Variants in GPR158 observed in about 807,000 individuals in gnomAD.
The protein encoded by GPR158 is metabotropic glycine receptor.
A neutral mutation model predicts 78.2 loss-of-function variants in GPR158; 30 were observed. The observed-to-expected ratio is 0.38, with a 90% CI of 0.29 to 0.52. The LOEUF (loss-of-function observed/expected upper bound fraction) is 0.52. GPR158 is among the 20% of genes least tolerant of loss of function. The pLI is 0.83. For missense variants in GPR158, 1,463 were observed against 1,523.5 expected (o/e 0.96, Z 0.66); for synonymous variants, 581 against 591.1 (o/e 0.98, Z 0.25).
chr10:25,309,797 G>A (rs138066543), intron 2 of GPR158, among the ~76,000 whole-genome samples: 4 of 152,214 alleles, frequency 2.6e-5, no homozygotes, highest in African/African-American at 9.6e-5. Flanking sequence ...TTTCTTTCCT[G>A]CCACCATGTA....
At position 25,469,396 on chromosome 10, in the gene GPR158, C is replaced by T. The variant is rs371275924; in HGVS notation, c.1404+2677C>T. ...CTCAGATTCAGCCTTCCAGTGTCCA[C>T]TGATGGCAGCTCTATCCTTCTAGTT... is the stretch of plus-strand genomic sequence containing the variant. On this transcript the variant is annotated intron_variant, in intron 5 of 10. Coordinates refer to ENST00000376351, the MANE Select transcript of GPR158 (RefSeq NM_020752.3). 5.3e-5 allele frequency among the ~76,000 whole-genome samples: 8 copies of T among 152,312 alleles called. No individual in the cohort carries two copies. The South Asian group carries it at 1.7e-3, about 32-fold the overall frequency.
chr10:25,363,748 T>TGATCCTTAATGCTGTCCCC (rs1564433405), intron 2 of GPR158, among the ~76,000 whole-genome samples: 1 of 151,908 alleles, frequency 6.6e-6, no homozygotes, highest in Non-Finnish European at 1.5e-5. Context: ...ATGCTGTCCC[T>TGATCCTTAATGCTGTCCCC]GATCCTCAGT....
intron 5 of GPR158, 139 bp downstream of exon 5, chr10:25,466,858 A>C (rs1047240136): frequency 2.2e-6 from 1 of 462,094 alleles, no homozygotes; most frequent in Non-Finnish European, 3.8e-6. Flanking sequence ...CTCTTGTCTT[A>C]CTTGAAAGAA....
intron 7 of GPR158, among the ~76,000 whole-genome samples, chr10:25,579,609 CT>C (rs1358587671): frequency 2.0e-5 from 3 of 152,104 alleles, no homozygotes; most frequent in African/African-American, 7.2e-5. Flanking sequence ...AGATTCTTAC[CT>C]TACCTGCAAG....
intron 3 of GPR158, among the ~76,000 whole-genome samples, chr10:25,403,749 C>T (rs1342947282): frequency 6.6e-6 from 1 of 151,956 alleles, no homozygotes; most frequent in Admixed American, 6.6e-5. Flanking sequence ...AAAAATACTA[C>T]TTTAATTAAA....
At chr10:25,579,816 T>TTTA (rs1027405420) in intron 7 of GPR158, among the ~76,000 whole-genome samples, 7 of 150,678 alleles carry the variant, frequency 4.6e-5, no homozygotes, top group African/African-American at 1.7e-4. Flanking sequence ...ATAAATCTAT[T>TTTA]TTACTGCCCT....
chr10:25,506,995 C>T (rs943734848), intron 5 of GPR158, among the ~76,000 whole-genome samples: 4 of 152,180 alleles, frequency 2.6e-5, no homozygotes, highest in Admixed American at 6.5e-5. Context: ...AATGAACAAT[C>T]TCAAACTCTT....
chr10:25,532,976 G>A (rs1190214955), intron 5 of GPR158, among the ~76,000 whole-genome samples: 1 of 134,580 alleles, frequency 7.4e-6, no homozygotes, highest in Non-Finnish European at 1.7e-5. Flanking sequence ...AATCAGATCC[G>A]CTTAATTCCC....
chr10:25,359,144 T>G (rs555282042), intron 2 of GPR158, among the ~76,000 whole-genome samples: 1 of 152,072 alleles, frequency 6.6e-6, no homozygotes, highest in Non-Finnish European at 1.5e-5. Flanking sequence ...GCTTTGTTTT[T>G]AAGTACATAC....
intron 2 of GPR158, among the ~76,000 whole-genome samples, chr10:25,253,281 G>C (rs371582841): frequency 6.6e-6 from 1 of 152,170 alleles, no homozygotes; most frequent in African/African-American, 2.4e-5. Flanking sequence ...CTTCTGCGTC[G>C]GTCACGCTGG....
At chr10:25,562,948 A>G (rs1300116599) in intron 6 of GPR158, among the ~76,000 whole-genome samples, 1 of 152,118 alleles carries the variant, frequency 6.6e-6, no homozygotes, top group Admixed American at 6.5e-5. Flanking sequence ...TTCATATATT[A>G]TGGGGATCTG....
At chr10:25,537,937 T>C (rs995017425) in intron 5 of GPR158, among the ~76,000 whole-genome samples, 6 of 152,172 alleles carry the variant, frequency 3.9e-5, no homozygotes, top group Non-Finnish European at 5.9e-5. Context: ...TGCGGAACTG[T>C]GAGCCAATTA....
At chr10:25,586,762 C>T (rs1183990440) in intron 7 of GPR158, among the ~76,000 whole-genome samples, 1 of 152,088 alleles carries the variant, frequency 6.6e-6, no homozygotes, top group African/African-American at 2.4e-5. Flanking sequence ...AACCCAAATG[C>T]AGTGGCACAG....
At chr10:25,187,157 G>A (rs903679412) in intron 1 of GPR158, among the ~76,000 whole-genome samples, 1 of 151,824 alleles carries the variant, frequency 6.6e-6, no homozygotes, top group African/African-American at 2.4e-5. Flanking sequence ...AATAGAGACA[G>A]GGTTTCACTG....
intron 4 of GPR158, among the ~76,000 whole-genome samples, chr10:25,441,063 C>T (rs567661802): frequency 9.2e-5 from 14 of 152,252 alleles, no homozygotes; most frequent in African/African-American, 3.4e-4. Flanking sequence ...AAGGCTATAA[C>T]CCTTGTGGGC....
chr10:25,457,950 C>T (rs1432906044), intron 4 of GPR158, among the ~76,000 whole-genome samples: 1 of 152,110 alleles, frequency 6.6e-6, no homozygotes. Flanking sequence ...AAAAAATCAC[C>T]ATAGCCATGT....
chr10:25,476,384 G>GTTTTTTTTTTTTTTT, intron 5 of GPR158, among the ~76,000 whole-genome samples: 1 of 144,436 alleles, frequency 6.9e-6, no homozygotes, highest in Non-Finnish European at 1.5e-5. Flanking sequence ...TTTAATAAGG[G>GTTTTTTTTTTTTTTT]TTTTTTTTTT....
chr10:25,300,288 C>T (rs1341017859), intron 2 of GPR158, among the ~76,000 whole-genome samples: 1 of 152,178 alleles, frequency 6.6e-6, no homozygotes, highest in Admixed American at 6.5e-5. Flanking sequence ...TTCTGGCTCC[C>T]TTCTTCCAGC....
chr10:25,252,939 C>G (rs1430988518), intron 2 of GPR158, among the ~76,000 whole-genome samples: 6 of 152,360 alleles, frequency 3.9e-5, no homozygotes, highest in Middle Eastern at 6.8e-3. Flanking sequence ...AGTTTGATCA[C>G]AGACTGCTGT....
Sources: allele counts gnomAD v4.1 joint callset (sites outside exome capture counted in the v4.1 genomes callset), GRCh38; gene constraint gnomAD v4.1.1; transcripts MANE v1.5; gene names NCBI Gene and HGNC (gene_info 2026-07-23, HGNC 2026-07-21).